The following SLC35F1 variants were observed in gnomAD, a reference collection of about 807,000 sequenced individuals.
The protein encoded by SLC35F1 is chromosome 6 open reading frame 169.
A neutral mutation model predicts 48.7 loss-of-function variants in SLC35F1; 14 were observed. The ratio of observed to expected loss-of-function variants is 0.29; its 90% CI spans 0.19 to 0.45. SLC35F1 has a LOEUF of 0.45. SLC35F1 is among the 20% of genes least tolerant of loss of function. SLC35F1 has a pLI of 1.00. For synonymous variants in SLC35F1, 190 were observed against 202.2 expected, an observed-to-expected ratio of 0.94 and a Z score of 0.51; for missense variants, 404 against 500.0, an observed-to-expected ratio of 0.81 and a Z score of 1.83.
At position 118,314,066 on chromosome 6, in the gene SLC35F1, C is replaced by T; in HGVS notation, c.1041C>T (p.Leu347=). The change falls in exon 8 of 8, where the codon CTC becomes CTT. Residue 347 remains leucine, a synonymous_variant. Transcript: ENST00000360388. ...GLYLLSFFTI[L]IGLVLYSSTS... is the part of the protein sequence containing the mutation. ...ATCTCCTGTCTTTCTTCACCATCCT[C>T]ATTGGGCTGGTGCTCTACTCCTCCA... 1 of 1,614,198 alleles carries T rather than the reference C, an allele frequency of 6.2e-7. No homozygotes were observed. Among genetic ancestry groups the T allele is most frequent in the Non-Finnish European group, 8.5e-7 (1 of 1,180,042 alleles).
chr6:118,121,023 C>T (rs11754931), intron 1 of SLC35F1, among the ~76,000 whole-genome samples: 46,430 of 151,764 alleles, frequency 0.31, 8,674 homozygotes, highest in Non-Finnish European at 0.43. Flanking sequence ...CAAGTAAACT[C>T]AAATCTTTTT....
chr6:118,218,731 A>G (rs1775106977), intron 2 of SLC35F1, among the ~76,000 whole-genome samples: 1 of 152,202 alleles, frequency 6.6e-6, no homozygotes, highest in Non-Finnish European at 1.5e-5. Flanking sequence ...ATTATGATCA[A>G]TTTTGGTTCC....
chr6:118,287,300 CT>C (rs1467969694), intron 7 of SLC35F1, among the ~76,000 whole-genome samples: 5 of 152,196 alleles, frequency 3.3e-5, no homozygotes, highest in African/African-American at 1.2e-4. Context: ...CTTCTCTCCT[CT>C]TCAGTTAAGC....
chr6:117,916,601 CA>C (rs1775829048), intron 1 of SLC35F1, among the ~76,000 whole-genome samples: 2 of 152,222 alleles, frequency 1.3e-5, no homozygotes, highest in South Asian at 4.1e-4. Context: ...GCCTGGTCTT[CA>C]GCTGGGGCAC....
intron 5 of SLC35F1, among the ~76,000 whole-genome samples, chr6:118,275,993 A>G (rs927462736): frequency 2.6e-5 from 4 of 152,210 alleles, no homozygotes; most frequent in African/African-American, 7.2e-5. Flanking sequence ...AGTGACAACC[A>G]CCAATAGAAA....
At chr6:118,006,433 A>AT (rs1777175603) in intron 1 of SLC35F1, among the ~76,000 whole-genome samples, 1 of 152,144 alleles carries the variant, frequency 6.6e-6, no homozygotes, top group Non-Finnish European at 1.5e-5. Flanking sequence ...CCTGGACAAC[A>AT]TGATGAGACC....
chr6:118,190,210 A>G (rs1326182072), intron 2 of SLC35F1, among the ~76,000 whole-genome samples: 2 of 152,204 alleles, frequency 1.3e-5, no homozygotes, highest in Admixed American at 1.3e-4. Context: ...AAACAGTAGA[A>G]CAGTGAGTTT....
chr6:117,907,662 C>A lies in SLC35F1; in HGVS notation c.-65C>A. 2.9e-6 allele frequency: 3 copies of A among 1,023,384 alleles called. No individual in the cohort carries two copies. Among genetic ancestry groups the A allele is most frequent in the Admixed American group, 6.4e-5 (2 of 31,164 alleles). The allele number at this position is 1,023,384 out of a possible 1,614,324, so 63.4% of individuals were successfully genotyped here. ...CCGGGTCCTCTGCGCGTTCCCGGGC[C>A]CGGAACCGGCACACGATGCACCCGG... On this transcript the variant is annotated 5_prime_UTR_variant, in exon 1 of 8. Transcript: ENST00000360388.
intron 1 of SLC35F1, among the ~76,000 whole-genome samples, chr6:118,106,618 T>C (rs1387190689): frequency 2.6e-5 from 4 of 152,238 alleles, no homozygotes; most frequent in Admixed American, 1.3e-4. Flanking sequence ...TCTCTTATAA[T>C]CCATCTTTGC....
At chr6:118,180,362 C>T (rs1441580084) in intron 2 of SLC35F1, among the ~76,000 whole-genome samples, 2 of 151,824 alleles carry the variant, frequency 1.3e-5, no homozygotes, top group South Asian at 2.1e-4. Context: ...AAAGAGGCAG[C>T]GTAACAATAA....
intron 3 of SLC35F1, among the ~76,000 whole-genome samples, chr6:118,255,068 A>G (rs1262459371): frequency 6.6e-6 from 1 of 152,212 alleles, no homozygotes; most frequent in Admixed American, 6.5e-5. Context: ...GAGAGCTCAC[A>G]GATGCTAGAT....
intron 1 of SLC35F1, among the ~76,000 whole-genome samples, chr6:117,974,991 G>A (rs925697366): frequency 3.3e-5 from 5 of 152,216 alleles, no homozygotes; most frequent in African/African-American, 9.6e-5. Context: ...GATTATGAAA[G>A]TAGTTTTGAA....
chr6:118,018,977 G>A (rs1406513143), intron 1 of SLC35F1, among the ~76,000 whole-genome samples: 1 of 152,118 alleles, frequency 6.6e-6, no homozygotes, highest in Non-Finnish European at 1.5e-5. Flanking sequence ...AAAATCATTT[G>A]AAATAATTTG....
chr6:117,931,651 G>A (rs1041306161), intron 1 of SLC35F1, among the ~76,000 whole-genome samples: 5 of 152,122 alleles, frequency 3.3e-5, no homozygotes, highest in Non-Finnish European at 5.9e-5. Context: ...ACTTAATTGT[G>A]TGAGTAGGTG....
At chr6:118,261,152 T>C (rs1342376080) in intron 3 of SLC35F1, among the ~76,000 whole-genome samples, 1 of 152,136 alleles carries the variant, frequency 6.6e-6, no homozygotes, top group African/African-American at 2.4e-5. Flanking sequence ...AAGAAAATAA[T>C]ATAAATTCTG....
At chr6:118,304,672 A>C (rs1291837952) in intron 7 of SLC35F1, among the ~76,000 whole-genome samples, 1 of 152,156 alleles carries the variant, frequency 6.6e-6, no homozygotes, top group Non-Finnish European at 1.5e-5. Flanking sequence ...ACAATCACTG[A>C]CATTTGTTTA....
intron 1 of SLC35F1, among the ~76,000 whole-genome samples, chr6:118,118,031 A>T (rs1773497349): frequency 6.6e-6 from 1 of 152,194 alleles, no homozygotes. Flanking sequence ...GAATAATGCC[A>T]CTATGAACAT....
At chr6:118,032,967 G>A (rs140567630) in intron 1 of SLC35F1, among the ~76,000 whole-genome samples, 7 of 152,188 alleles carry the variant, frequency 4.6e-5, no homozygotes, top group Admixed American at 1.3e-4. Flanking sequence ...GAACTGAAGC[G>A]TGCAGGTGAT....
At chr6:118,255,858 A>G (rs1201472288) in intron 3 of SLC35F1, among the ~76,000 whole-genome samples, 1 of 152,204 alleles carries the variant, frequency 6.6e-6, no homozygotes. Context: ...TGATGGAAAC[A>G]TGGCTTTATC....
Sources: allele counts gnomAD v4.1 joint callset (sites outside exome capture counted in the v4.1 genomes callset), GRCh38; gene constraint gnomAD v4.1.1; transcripts MANE v1.5; gene names NCBI Gene and HGNC (gene_info 2026-07-23, HGNC 2026-07-21).